Variants in ELP4 observed in about 807,000 individuals in gnomAD.
The protein encoded by ELP4 is elongator complex protein 4.
In ELP4, 51 loss-of-function variants were observed where a neutral mutation model predicts 48.9. That is an observed-to-expected ratio of 1.04 (90% CI 0.83 to 1.32). ELP4 has a LOEUF of 1.32. Among genes scored for constraint, ELP4 ranks in the 40% most tolerant of loss-of-function variants. ELP4 has a pLI of 0.00. For synonymous variants in ELP4, 210 were observed against 189.2 expected (o/e 1.11, Z -0.90); for missense variants, 519 against 514.6 (o/e 1.01, Z -0.08).
At chr11:31,538,921 T>C (rs1956549402) in intron 2 of ELP4, among the ~76,000 whole-genome samples, 1 of 152,166 alleles carries the variant, frequency 6.6e-6, no homozygotes, top group Non-Finnish European at 1.5e-5. Flanking sequence ...AATTTGATAA[T>C]GATGTGTAGT....
intron 3 of ELP4, among the ~76,000 whole-genome samples, chr11:31,576,078 A>C (rs1429949528): frequency 2.0e-5 from 3 of 152,234 alleles, no homozygotes; most frequent in Admixed American, 2.0e-4. Context: ...TAGGCTCAAA[A>C]TAAAGGGATA....
At chr11:31,675,251 C>T (rs1353964971) in intron 9 of ELP4, among the ~76,000 whole-genome samples, 2 of 150,970 alleles carry the variant, frequency 1.3e-5, no homozygotes, top group African/African-American at 2.4e-5. Flanking sequence ...TGTAGTATAA[C>T]AATTAATACA....
At chr11:31,756,184 C>A (rs1305902447) in intron 9 of ELP4, among the ~76,000 whole-genome samples, 4 of 152,158 alleles carry the variant, frequency 2.6e-5, no homozygotes, top group Admixed American at 1.3e-4. Flanking sequence ...CTCCCTGCTT[C>A]CAGTGTTGCC....
In ELP4 at chr11:31,646,888, C is replaced by A. The variant is rs535943374; in HGVS notation, c.928-853C>A. The A allele has an allele frequency of 3.3e-5, 5 of 150,092 alleles. No homozygotes were observed. The South Asian group carries it at 6.3e-4, about 19-fold the overall frequency. 9.3% of individuals were successfully genotyped at this position (150,092 alleles called of 1,614,324 possible). On this transcript the variant is annotated intron_variant, in intron 7 of 9. Coordinates refer to ENST00000640961, the MANE Select transcript of ELP4 (RefSeq NM_019040.5). ...GTAATTAAAGAATTAAAAAAAAAAA[C>A]CCTACCAGATATTTGATGATTATAT...
chr11:31,623,371 ATATATATATATATATATAT>A (rs1229225721), intron 5 of ELP4, among the ~76,000 whole-genome samples: 23 of 106,542 alleles, frequency 2.2e-4, no homozygotes, highest in African/African-American at 6.8e-4. Context: ...ATATATATAT[ATATATATATATATATATAT>A]AAAACTAGAA....
rs944347596 is a variant in ELP4 at position 31,577,788 on chromosome 11, C to A, written c.382-16982C>A. The stretch of plus-strand genomic sequence containing the variant: ...CTCAATAAACTAGGTATTGATGGGA[C>A]GTATCTCAAAATAATAAGCGCTATT... On this transcript the variant is annotated intron_variant, in intron 3 of 9. Coordinates refer to ENST00000640961, the MANE Select transcript of ELP4 (RefSeq NM_019040.5). 1.3e-5 allele frequency among the ~76,000 whole-genome samples: 2 copies of A among 152,066 alleles called. 1 individual carries two copies. The highest frequency in any genetic ancestry group is 4.2e-4 in the South Asian group (2 of 4,810).
chr11:31,742,226 A>C (rs372263137), intron 9 of ELP4, among the ~76,000 whole-genome samples: 3 of 152,210 alleles, frequency 2.0e-5, no homozygotes, highest in African/African-American at 7.2e-5. Context: ...AACAAAGCCT[A>C]CAAGAAATAT....
chr11:31,552,730 T>C (rs1956872798), intron 3 of ELP4, among the ~76,000 whole-genome samples: 1 of 152,140 alleles, frequency 6.6e-6, no homozygotes, highest in Admixed American at 6.6e-5. Context: ...GTGAGCCTCT[T>C]CAAATGTAAG....
intron 1 of ELP4, among the ~76,000 whole-genome samples, chr11:31,515,427 A>G (rs1956093385): frequency 6.6e-6 from 1 of 152,094 alleles, no homozygotes. Context: ...GCTGGAGGCT[A>G]GTTTGAGCCC....
chr11:31,600,990 C>T (rs1490673544), intron 4 of ELP4, among the ~76,000 whole-genome samples: 1 of 151,932 alleles, frequency 6.6e-6, no homozygotes, highest in Non-Finnish European at 1.5e-5. Context: ...CCACAGACGA[C>T]AAAGTCAAAA....
intron 9 of ELP4, among the ~76,000 whole-genome samples, chr11:31,667,653 A>G (rs1051843675): frequency 6.6e-6 from 1 of 152,148 alleles, no homozygotes; most frequent in Non-Finnish European, 1.5e-5. Context: ...AGTTTATATA[A>G]TTCCACATTT....
At chr11:31,715,471 A>G (rs1946825940) in intron 9 of ELP4, among the ~76,000 whole-genome samples, 1 of 152,238 alleles carries the variant, frequency 6.6e-6, no homozygotes, top group Non-Finnish European at 1.5e-5. Flanking sequence ...GCACACAGTT[A>G]CTGAGAGATT....
intron 3 of ELP4, among the ~76,000 whole-genome samples, chr11:31,589,011 A>G (rs1326138151): frequency 1.3e-5 from 2 of 152,170 alleles, no homozygotes; most frequent in African/African-American, 4.8e-5. Flanking sequence ...TAAAAAACAA[A>G]TAACATATTA....
chr11:31,581,906 C>G (rs1382465421), intron 3 of ELP4, among the ~76,000 whole-genome samples: 1 of 152,108 alleles, frequency 6.6e-6, no homozygotes, highest in African/African-American at 2.4e-5. Context: ...GCATGCCCCA[C>G]CATCCCTGGT....
chr11:31,722,665 T>TTC (rs71060499), intron 9 of ELP4, among the ~76,000 whole-genome samples: 2,973 of 144,252 alleles, frequency 0.021, 26 homozygotes, highest in African/African-American at 0.024. Context: ...AAGGTGTCTC[T>TTC]TCTCTCTCTC....
chr11:31,704,649 A>G (rs1262109005), intron 9 of ELP4, among the ~76,000 whole-genome samples: 1 of 152,130 alleles, frequency 6.6e-6, no homozygotes, highest in African/African-American at 2.4e-5. Context: ...AAATAAAAAA[A>G]TTAAAATTAA....
intron 3 of ELP4, among the ~76,000 whole-genome samples, chr11:31,548,872 G>A (rs370396661): frequency 2.6e-4 from 40 of 152,146 alleles, no homozygotes; most frequent in Non-Finnish European, 4.3e-4. Context: ...CCTGAGAAAA[G>A]CAAGCAATGG....
In ELP4 at chr11:31,597,786, C is replaced by T. The variant is rs992423354; in HGVS notation, c.513+2885C>T. The stretch of plus-strand genomic sequence containing the variant: ...GGCGTTTCATCATGTTGGCTGGTCT[C>T]GAACTCCTGACCTCAGGTGATCTGC... On this transcript the variant is annotated intron_variant, in intron 4 of 9. Coordinates refer to ENST00000640961, the MANE Select transcript of ELP4 (RefSeq NM_019040.5). Among the ~76,000 whole-genome samples, 15 of 151,778 alleles carry T rather than the reference C, an allele frequency of 9.9e-5. 1 individual carries two copies. Among genetic ancestry groups the T allele is most frequent in the South Asian group, 4.2e-4 (2 of 4,814 alleles).
chr11:31,685,888 G>A (rs955762179), intron 9 of ELP4, among the ~76,000 whole-genome samples: 1 of 149,776 alleles, frequency 6.7e-6, no homozygotes, highest in Non-Finnish European at 1.5e-5. Flanking sequence ...CCGAGATCAC[G>A]CCACTGCACT....
Sources: allele counts gnomAD v4.1 joint callset (sites outside exome capture counted in the v4.1 genomes callset), GRCh38; gene constraint gnomAD v4.1.1; transcripts MANE v1.5; gene names NCBI Gene and HGNC (gene_info 2026-07-23, HGNC 2026-07-21).